Variants in PDE6C observed in about 807,000 individuals in gnomAD.
PDE6C encodes the protein cone cGMP-specific 3',5'-cyclic phosphodiesterase subunit alpha'.
PDE6C carries 75 observed loss-of-function variants against 113.1 expected under a neutral mutation model. The ratio of observed to expected loss-of-function variants is 0.66; its 90% CI spans 0.55 to 0.80. PDE6C has a LOEUF of 0.80. PDE6C is among the 30% of genes least tolerant of loss of function. The pLI is 0.00. For synonymous variants in PDE6C, 375 were observed against 363.7 expected, an observed-to-expected ratio of 1.03 and a Z score of -0.35; for missense variants, 912 against 1,038.6, an observed-to-expected ratio of 0.88 and a Z score of 1.67.
chr10:93,643,885 A>G (rs1345436167), intron 14 of PDE6C, among the ~76,000 whole-genome samples: 1 of 152,108 alleles, frequency 6.6e-6, no homozygotes, highest in Non-Finnish European at 1.5e-5. Flanking sequence ...AAAATTTTCC[A>G]ATTACCACAA....
intron 5 of PDE6C, 68 bp from the exon 6 acceptor site, chr10:93,626,572 G>T (rs531423935): frequency 1.5e-5 from 13 of 875,646 alleles, no homozygotes; most frequent in South Asian, 1.3e-4. Flanking sequence ...TAAAGTACAA[G>T]TTCCCCAATG....
intron 18 of PDE6C, 61 bp downstream of exon 18, chr10:93,659,228 A>G (rs1375934656): frequency 1.7e-5 from 19 of 1,126,432 alleles, no homozygotes; most frequent in African/African-American, 1.5e-4. Flanking sequence ...GTCCCATGTA[A>G]ATGTCCACCT....
chr10:93,619,432 T>C (rs1338434059), intron 1 of PDE6C, among the ~76,000 whole-genome samples: 1 of 152,156 alleles, frequency 6.6e-6, no homozygotes, highest in African/African-American at 2.4e-5. Context: ...TCTTTTTCTT[T>C]TTCTTTTTTT....
intron 20 of PDE6C, 27 bp from the exon 21 acceptor site, chr10:93,663,001 T>A (rs2058673245): frequency 6.3e-7 from 1 of 1,589,204 alleles, no homozygotes; most frequent in Admixed American, 1.7e-5. Flanking sequence ...ATGATTTATG[T>A]AGTTTCTGAC....
Position 93,634,039 on chromosome 10 carries a change from T to C in PDE6C, c.1120-719T>C, listed in dbSNP as rs182686294. ...AAAGATTACTCTTTCTTTTTTTTTT[T>C]TGAGATGGAATTTCACTCTGCTGCC... On this transcript the variant is annotated intron_variant, in intron 8 of 21. Transcript: ENST00000371447. Among the ~76,000 whole-genome samples the C allele has an allele frequency of 7.9e-5, 12 of 152,286 alleles. No homozygotes were observed. The East Asian group carries it at 2.1e-3, about 27-fold the overall frequency.
At chr10:93,618,471 C>G (rs566409005) in intron 1 of PDE6C, among the ~76,000 whole-genome samples, 1 of 152,314 alleles carries the variant, frequency 6.6e-6, no homozygotes, top group African/African-American at 2.4e-5. Context: ...AAGTCTGACT[C>G]CAATACCTTC....
rs766058431 is a variant in PDE6C at position 93,620,970 on chromosome 10, G to A, written c.713G>A (p.Arg238Gln). The A allele has an allele frequency of 1.5e-5, 24 of 1,613,056 alleles. No individual in the cohort carries two copies. The highest frequency in any genetic ancestry group is 4.5e-5 in the East Asian group (2 of 44,884). Residue 238 changes from arginine to glutamine, a missense_variant, in exon 3 of 22, where the codon CGA becomes CAA. Transcript: ENST00000371447. ...AGCTACATGTACAATATTGAATCCC[G>A]AAGAAGCCAGGTAAAAGGAAGGCAG... Reference protein sequence around the residue: ...HTSYMYNIESRRSQILMWSAN... With the variant: ...HTSYMYNIESQRSQILMWSAN...
intron 16 of PDE6C, among the ~76,000 whole-genome samples, chr10:93,656,376 C>T (rs2058638002): frequency 6.6e-6 from 1 of 152,122 alleles, no homozygotes; most frequent in Non-Finnish European, 1.5e-5. Context: ...AGCCTATTTA[C>T]AACAGTAATA....
chr10:93,632,179 A>T (rs473934), intron 8 of PDE6C, among the ~76,000 whole-genome samples: 78,779 of 152,042 alleles, frequency 0.52, 20,961 homozygotes, highest in South Asian at 0.64. Flanking sequence ...TCTACTTTTA[A>T]GGATCCTTGT....
rs746974810 is a variant in PDE6C at position 93,640,906 on chromosome 10, T to C, written c.1738-14T>C. The C allele has an allele frequency of 6.1e-6, 9 of 1,469,486 alleles. No homozygotes were observed. 91.0% of individuals were successfully genotyped at this position (1,469,486 alleles called of 1,614,324 possible). ...AATAAATTATAGATATGCATATATA[T>C]GTTATTTTTTTAGACAGGAAGATTA... On this transcript the variant is annotated splice_polypyrimidine_tract_variant and intron_variant, in intron 13 of 21. Coordinates refer to ENST00000371447, the MANE Select transcript of PDE6C (RefSeq NM_006204.4).
rs878917942 is a variant in PDE6C, at chr10:93,645,979, A to C, written c.1867A>C (p.Arg623=). 6.2e-7 allele frequency: 1 copy of C among 1,606,340 alleles called. No individual in the cohort carries two copies. Among genetic ancestry groups the C allele is most frequent in the Non-Finnish European group, 8.5e-7 (1 of 1,173,048 alleles). The change falls in exon 15 of 22, where the codon AGA becomes CGA. Residue 623 remains arginine (R), a synonymous_variant. Transcript: ENST00000371447. The part of the protein sequence containing the change: ...YQMKSTSPLA[R]LHGSSILERH... ...TTCTAGATCCACGTCTCCATTAGCA[A>C]GACTTCATGGTTCTTCTATTTTGGA...
intron 8 of PDE6C, among the ~76,000 whole-genome samples, chr10:93,630,717 T>C (rs2134602811): frequency 6.6e-6 from 1 of 152,220 alleles, no homozygotes; most frequent in African/African-American, 2.4e-5. Flanking sequence ...AAGCCAGCCT[T>C]CCCCAGGCTG....
chr10:93,651,533 C>T (rs1167965019), intron 15 of PDE6C, among the ~76,000 whole-genome samples: 5 of 152,250 alleles, frequency 3.3e-5, no homozygotes, highest in Middle Eastern at 6.8e-3. Flanking sequence ...ATGAGAACAG[C>T]GTGGGAGAAC....
chr10:93,654,790 CTTT>C (rs2058626847), intron 15 of PDE6C, among the ~76,000 whole-genome samples: 1 of 69,062 alleles, frequency 1.4e-5, no homozygotes, highest in African/African-American at 4.8e-5. Context: ...TTCTTTCTTT[CTTT>C]CTTTCTTTCT....
At chr10:93,643,426 C>T (rs879718997) in intron 14 of PDE6C, among the ~76,000 whole-genome samples, 4 of 152,040 alleles carry the variant, frequency 2.6e-5, no homozygotes, top group Non-Finnish European at 4.4e-5. Context: ...GGGTCTTACC[C>T]TGTCACCCAG....
intron 11 of PDE6C, among the ~76,000 whole-genome samples, chr10:93,639,842 A>C (rs568212531): frequency 2.0e-5 from 3 of 152,228 alleles, no homozygotes; most frequent in African/African-American, 7.2e-5. Flanking sequence ...AGTCTTTAAT[A>C]TGGCCAAGTC....
chr10:93,612,766 A>T lies in PDE6C; in HGVS notation c.41A>T (p.Glu14Val). 1.9e-6 allele frequency: 3 copies of T among 1,614,110 alleles called. No homozygotes were observed. The highest frequency in any genetic ancestry group is 2.5e-6 in the Non-Finnish European group (3 of 1,180,038). The change falls in exon 1 of 22, where the codon GAG (glutamate) becomes GTG (valine). Residue 14 changes from glutamate (E) to valine (V), a missense_variant. By Grantham distance (121) the Glu-to-Val change is moderately radical. Transcript: ENST00000371447. Reference protein sequence around the residue: ...INQVAVEKYLEENPQFAKEYF... With the variant: ...INQVAVEKYLVENPQFAKEYF... ...CAAGTTGCCGTGGAGAAATACCTGG[A>T]GGAGAACCCTCAGTTTGCCAAGGAG...
intron 8 of PDE6C, among the ~76,000 whole-genome samples, chr10:93,630,069 C>T: frequency 6.6e-6 from 1 of 152,118 alleles, no homozygotes; most frequent in East Asian, 1.9e-4. Flanking sequence ...TCTCAGCAGC[C>T]CTTCCCTGCA....
In PDE6C at chr10:93,613,142, C is replaced by T; in HGVS notation, c.417C>T (p.Asp139=). ...GPDKEVVFPL[D]IGIVGWAAHT... Reference sequence around the variant, plus strand: ...ACAAAGAAGTTGTGTTTCCATTGGACATTGGGATAGTGGGTTGGGCTGCTC... The same window carrying T: ...ACAAAGAAGTTGTGTTTCCATTGGATATTGGGATAGTGGGTTGGGCTGCTC... The change falls in exon 1 of 22, where the codon GAC becomes GAT. Residue 139 remains aspartate, a synonymous_variant. Transcript: ENST00000371447. The T allele has an allele frequency of 6.2e-7, 1 of 1,614,076 alleles. No homozygotes were observed. Among genetic ancestry groups the T allele is most frequent in the Non-Finnish European group, 8.5e-7 (1 of 1,180,036 alleles).
Sources: allele counts gnomAD v4.1 joint callset (sites outside exome capture counted in the v4.1 genomes callset), GRCh38; gene constraint gnomAD v4.1.1; transcripts MANE v1.5; gene names NCBI Gene and HGNC (gene_info 2026-07-23, HGNC 2026-07-21).